LIMS1: variants seen among roughly 807,000 people sequenced by gnomAD.
The protein encoded by LIMS1 is LIM zinc finger domain containing 1, also known as LIM and senescent cell antigen-like-containing domain protein 1.
Under a neutral mutation model 44.1 loss-of-function variants are expected in LIMS1, and 18 were observed. That is an observed-to-expected ratio of 0.41 (90% CI 0.28 to 0.61). The LOEUF (loss-of-function observed/expected upper bound fraction) is 0.61. Among genes scored for constraint, LIMS1 ranks in the 20% least tolerant of loss-of-function variants. The probability of loss-of-function intolerance (pLI) is 0.32; values close to 1 mark genes in which losing one functional copy is unlikely to be tolerated. For synonymous variants in LIMS1, 93 were observed against 149.1 expected (o/e 0.62, Z 2.74); for missense variants, 201 against 422.0 (o/e 0.48, Z 4.59).
At chr2:108,662,147 C>G in intron 2 of LIMS1, 2 of 1,611,492 alleles carry the variant, frequency 1.2e-6, no homozygotes, top group South Asian at 1.1e-5. Flanking sequence ...TCCTTATATC[C>G]CTGGCTTGCT....
chr2:108,681,413 G>A lies in LIMS1; in HGVS notation c.899+643G>A, dbSNP rs574131730. ...CACCTCATTTTTTAAACACCATATA[G>A]TATACATTTCTTTCTTTTTTTTTTA... is the stretch of plus-strand genomic sequence containing the variant. On this transcript the variant is annotated intron_variant, in intron 9 of 9. Coordinates refer to ENST00000544547, the Ensembl canonical transcript of LIMS1. 2.6e-4 allele frequency: 250 copies of A among 975,918 alleles called. 1 individual carries two copies. In the African/African-American group the frequency reaches 4.0e-3, roughly 16 times the overall value. 60.5% of individuals were successfully genotyped at this position (975,918 alleles called of 1,614,324 possible). A position where few individuals can be genotyped will look rare whatever the true frequency, so the allele number is the denominator to read the frequency against.
At chr2:108,647,011 G>A (rs528194573) in intron 1 of LIMS1, among the ~76,000 whole-genome samples, 5 of 152,128 alleles carry the variant, frequency 3.3e-5, no homozygotes, top group Non-Finnish European at 5.9e-5. Flanking sequence ...ATGAGTCACC[G>A]CGCCCGGCCC....
intron 1 of LIMS1, among the ~76,000 whole-genome samples, chr2:108,625,566 A>G (rs571965408): frequency 6.6e-6 from 1 of 152,214 alleles, no homozygotes; most frequent in East Asian, 1.9e-4. Context: ...GCCATTTGAA[A>G]AGAATATGAA....
intron 1 of LIMS1, among the ~76,000 whole-genome samples, chr2:108,598,836 G>T (rs1305042308): frequency 3.3e-5 from 5 of 151,884 alleles, no homozygotes; most frequent in African/African-American, 1.2e-4. Context: ...ATCTTATAAA[G>T]AAAAATCTGT....
intron 1 of LIMS1, among the ~76,000 whole-genome samples, chr2:108,544,181 T>C (rs1038842255): frequency 6.6e-6 from 1 of 152,212 alleles, no homozygotes; most frequent in Non-Finnish European, 1.5e-5. Context: ...CAGTCAAATA[T>C]TATTGGATTC....
intron 1 of LIMS1, chr2:108,588,240 C>A: frequency 1.6e-6 from 1 of 624,740 alleles, no homozygotes; most frequent in Non-Finnish European, 2.0e-6. Flanking sequence ...TCGTGTAACA[C>A]ACCATGTCAC....
intron 1 of LIMS1, among the ~76,000 whole-genome samples, chr2:108,652,006 G>C (rs1256834002): frequency 7.2e-6 from 1 of 139,420 alleles, no homozygotes; most frequent in Non-Finnish European, 1.5e-5. Flanking sequence ...TGATTCTCCA[G>C]CAGCCACCCC....
chr2:108,622,109 TA>T (rs1440686609), intron 1 of LIMS1, among the ~76,000 whole-genome samples: 43 of 152,238 alleles, frequency 2.8e-4, no homozygotes, highest in South Asian at 4.1e-4. Context: ...GCCTATGTGT[TA>T]AAATACTGCA....
At chr2:108,591,418 A>G (rs951654267) in intron 1 of LIMS1, among the ~76,000 whole-genome samples, 2 of 152,136 alleles carry the variant, frequency 1.3e-5, no homozygotes, top group African/African-American at 2.4e-5. Flanking sequence ...GTAGTTCCGC[A>G]AGTTCCCAGA....
At chr2:108,596,915 G>GTTTTTTTTT (rs34313967) in intron 1 of LIMS1, among the ~76,000 whole-genome samples, 2 of 68,446 alleles carry the variant, frequency 2.9e-5, no homozygotes, top group African/African-American at 5.4e-5. Context: ...CGAAACATCT[G>GTTTTTTTTT]TTTTTTTTTT....
rs537342831 is a variant in LIMS1, at chr2:108,535,493, G to T, written c.32+899G>T. ...CACACAGTTACGTTAAAATTCCTTG[G>T]TCTGTCTTGCAGTTTGAATGCAGCT... On this transcript the variant is annotated intron_variant, in intron 1 of 9. Transcript: ENST00000544547. Among the ~76,000 whole-genome samples, 48 of 152,250 alleles carry T rather than the reference G, an allele frequency of 3.2e-4. 2 individuals are homozygous for T. The South Asian group carries it at 9.5e-3, about 30-fold the overall frequency.
chr2:108,539,432 G>A (rs2104566016), intron 1 of LIMS1, among the ~76,000 whole-genome samples: 1 of 152,286 alleles, frequency 6.6e-6, no homozygotes, highest in South Asian at 2.1e-4. Context: ...ATGTGCATGA[G>A]TGTTTGGGTC....
At chr2:108,594,849 C>T (rs1686584728) in intron 1 of LIMS1, among the ~76,000 whole-genome samples, 1 of 151,936 alleles carries the variant, frequency 6.6e-6, no homozygotes, top group African/African-American at 2.4e-5. Flanking sequence ...TTTCAAGTTG[C>T]TACATGTGAC....
chr2:108,570,700 G>A (rs62149876), intron 1 of LIMS1, among the ~76,000 whole-genome samples: 4,028 of 152,280 alleles, frequency 0.026, 91 homozygotes, highest in Non-Finnish European at 0.041. Flanking sequence ...ATCCTGGGAG[G>A]CGGTGGAGAA....
chr2:108,685,014 G>A (rs1258314964), exon 10 of LIMS1: 1 of 152,086 alleles, frequency 6.6e-6, no homozygotes, highest in Non-Finnish European at 1.5e-5. Flanking sequence ...AGTGCATTGA[G>A]ATCTGAGATT....
chr2:108,552,776 C>T (rs1006804148), intron 1 of LIMS1, among the ~76,000 whole-genome samples: 2 of 151,874 alleles, frequency 1.3e-5, no homozygotes, highest in Admixed American at 1.3e-4. Flanking sequence ...TAAGGTTGCA[C>T]CGTGTTGCCC....
intron 1 of LIMS1, among the ~76,000 whole-genome samples, chr2:108,555,817 G>A (rs1296363242): frequency 6.6e-6 from 1 of 152,236 alleles, no homozygotes; most frequent in African/African-American, 2.4e-5. Flanking sequence ...TGGCTGTGGA[G>A]CCCACTGGCT....
chr2:108,565,361 G>A (rs569206971), intron 1 of LIMS1, among the ~76,000 whole-genome samples: 184 of 152,254 alleles, frequency 1.2e-3, no homozygotes, highest in African/African-American at 4.1e-3. Flanking sequence ...TAATTTAGTC[G>A]TCTACTAATC....
chr2:108,615,368 G>A (rs754800878), intron 1 of LIMS1, among the ~76,000 whole-genome samples: 30 of 152,240 alleles, frequency 2.0e-4, no homozygotes, highest in Non-Finnish European at 3.5e-4. Flanking sequence ...CCTCAGGGAG[G>A]AAAAGTGCAG....
Sources: gnomAD v4.1 joint callset for allele counts (sites outside exome capture counted in the v4.1 genomes callset) on GRCh38, gnomAD v4.1.1 for gene constraint, MANE v1.5 for transcripts, NCBI Gene and HGNC (gene_info 2026-07-23, HGNC 2026-07-21) for gene names.